Variants in PPP6C observed in about 807,000 individuals in gnomAD.
The protein encoded by PPP6C is serine/threonine-protein phosphatase 6 catalytic subunit.
PPP6C carries 11 observed loss-of-function variants against 39.8 expected under a neutral mutation model. The observed-to-expected ratio is 0.28, with a 90% CI of 0.17 to 0.46. The LOEUF is 0.46. PPP6C is among the 20% of genes least tolerant of loss of function. The pLI is 1.00. For missense variants in PPP6C, 211 were observed against 373.9 expected, an observed-to-expected ratio of 0.56 and a Z score of 3.59; for synonymous variants, 129 against 130.3, an observed-to-expected ratio of 0.99 and a Z score of 0.07.
At chr9:125,181,383 G>T (rs1388856914) in intron 1 of PPP6C, among the ~76,000 whole-genome samples, 1 of 151,718 alleles carries the variant, frequency 6.6e-6, no homozygotes, top group Non-Finnish European at 1.5e-5. Flanking sequence ...TGTGCAGAAC[G>T]TGCAGGTTTG....
At chr9:125,150,610 G>C in intron 6 of PPP6C, 1 of 869,896 alleles carries the variant, frequency 1.1e-6, no homozygotes, top group Non-Finnish European at 1.8e-6. Context: ...CAGCAGCAGT[G>C]ATCACTTAGT....
chr9:125,184,977 A>C (rs908648563), intron 1 of PPP6C, among the ~76,000 whole-genome samples: 3 of 151,776 alleles, frequency 2.0e-5, no homozygotes, highest in South Asian at 2.1e-4. Flanking sequence ...AAAAAAAAAA[A>C]AAAAAAAAAA....
chr9:125,150,827 T>C, intron 6 of PPP6C: 2 of 763,006 alleles, frequency 2.6e-6, no homozygotes, highest in Non-Finnish European at 4.8e-6. Flanking sequence ...AGAGTGGTTG[T>C]GGCAAAATCA....
intron 2 of PPP6C, among the ~76,000 whole-genome samples, chr9:125,169,709 T>A (rs1486273079): frequency 6.6e-6 from 1 of 152,184 alleles, no homozygotes; most frequent in Non-Finnish European, 1.5e-5. Context: ...GTTAGCAAAA[T>A]ACAAATGTTT....
intron 2 of PPP6C, among the ~76,000 whole-genome samples, chr9:125,170,408 T>G (rs1457098156): frequency 6.6e-6 from 1 of 152,020 alleles, no homozygotes; most frequent in Non-Finnish European, 1.5e-5. Context: ...AGCTAATTTT[T>G]TTGTATTTTC....
At position 125,147,479 on chromosome 9, in the gene PPP6C, CCAATA is replaced by C. The variant is rs1007285414; in HGVS notation, c.*2189_*2193del. 33 of 152,050 alleles carry C rather than the reference CCAATA, an allele frequency of 2.2e-4. No individual in the cohort carries two copies. The highest frequency in any genetic ancestry group is 7.7e-4 in the African/African-American group (32 of 41,410). 9.4% of individuals were successfully genotyped at this position (152,050 alleles called of 1,614,324 possible). ...AATATTCCTTGTAGGCTCACAAAGT[CCAATA>C]CATTAGCTCTCTCTTCCCTTTACAC... On this transcript the variant is annotated 3_prime_UTR_variant, in exon 7 of 7. Transcript: ENST00000373547.
At chr9:125,168,689 CCT>C (rs1404758449) in intron 2 of PPP6C, among the ~76,000 whole-genome samples, 1 of 151,640 alleles carries the variant, frequency 6.6e-6, no homozygotes, top group African/African-American at 2.4e-5. Context: ...GATCTCTTGC[CCT>C]CGTGATCCAC....
At chr9:125,184,571 A>G (rs572952299) in intron 1 of PPP6C, among the ~76,000 whole-genome samples, 5 of 152,088 alleles carry the variant, frequency 3.3e-5, no homozygotes, top group East Asian at 3.9e-4. Flanking sequence ...AAAAAAAAAA[A>G]AAGAAGAAGA....
At chr9:125,157,483 A>C (rs1766451998) in intron 4 of PPP6C, among the ~76,000 whole-genome samples, 1 of 152,174 alleles carries the variant, frequency 6.6e-6, no homozygotes, top group Non-Finnish European at 1.5e-5. Flanking sequence ...TAACATTAAT[A>C]AAGTGAAAAA....
chr9:125,147,378 TG>T lies in PPP6C; in HGVS notation c.*2294del, dbSNP rs1835835576. Reference sequence around the variant, plus strand: ...TCCTCCTGCCCATAAATCTATGACTTGCAAGTATCTTCCACCACATGATAAC... The same window carrying T: ...TCCTCCTGCCCATAAATCTATGACTTCAAGTATCTTCCACCACATGATAAC... On this transcript the variant is annotated 3_prime_UTR_variant, in exon 7 of 7. Coordinates refer to ENST00000373547, the MANE Select transcript of PPP6C (RefSeq NM_002721.5). The T allele has an allele frequency of 3.3e-5, 5 of 152,324 alleles. No homozygotes were observed. The South Asian group carries it at 8.3e-4, about 25-fold the overall frequency. 9.4% of individuals were successfully genotyped at this position (152,324 alleles called of 1,614,324 possible).
intron 1 of PPP6C, among the ~76,000 whole-genome samples, 167 bp from the exon 2 acceptor site, chr9:125,171,347 C>T (rs1010616715): frequency 2.6e-5 from 4 of 151,360 alleles, no homozygotes; most frequent in African/African-American, 9.7e-5. Context: ...TCAGCTGTCA[C>T]ACAGAATTCT....
At chr9:125,189,477 G>T (rs1446822522) in intron 1 of PPP6C, 167 bp downstream of exon 1, 2 of 1,444,860 alleles carry the variant, frequency 1.4e-6, no homozygotes, top group East Asian at 2.6e-5. Flanking sequence ...CGACGACTCG[G>T]CTCGCGAGAC....
intron 1 of PPP6C, among the ~76,000 whole-genome samples, chr9:125,179,661 T>C (rs1829382279): frequency 6.7e-6 from 1 of 148,590 alleles, no homozygotes; most frequent in South Asian, 2.2e-4. Flanking sequence ...CTCTCTTTTT[T>C]TTTTTTTTTT....
intron 1 of PPP6C, among the ~76,000 whole-genome samples, chr9:125,187,348 G>A (rs1231618614): frequency 2.4e-4 from 37 of 151,086 alleles, no homozygotes; most frequent in Admixed American, 2.3e-3. Flanking sequence ...GTGTGATCCC[G>A]GCTCACTGCA....
chr9:125,156,426 A>T (rs1364009935), intron 4 of PPP6C, among the ~76,000 whole-genome samples: 1 of 152,062 alleles, frequency 6.6e-6, no homozygotes, highest in East Asian at 1.9e-4. Flanking sequence ...GGCAAGTGCC[A>T]CCATGCCCAG....
At chr9:125,175,442 T>C (rs956067216) in intron 1 of PPP6C, among the ~76,000 whole-genome samples, 2 of 151,438 alleles carry the variant, frequency 1.3e-5, no homozygotes, top group Admixed American at 6.6e-5. Context: ...ATCGAGACCA[T>C]CCTGGCTAAC....
intron 1 of PPP6C, 145 bp downstream of exon 1, chr9:125,189,499 C>T: frequency 2.1e-6 from 3 of 1,457,888 alleles, no homozygotes; most frequent in Non-Finnish European, 2.7e-6. Context: ...CTCGGCGTGA[C>T]GCCGGGTAGG....
In PPP6C at chr9:125,180,907, T is replaced by C. The variant is rs1829408546; in HGVS notation, c.75+8737A>G. Among the ~76,000 whole-genome samples the C allele has an allele frequency of 2.6e-5, 4 of 152,190 alleles. No homozygotes were observed. The South Asian group carries it at 8.3e-4, about 32-fold the overall frequency. The stretch of plus-strand genomic sequence containing the variant: ...AACTCTGTCAATCTGAAAGATTGAG[T>C]GTCTGGAGAACACGTGTAAACTACC... On this transcript the variant is annotated intron_variant, in intron 1 of 6. Transcript: ENST00000373547.
At chr9:125,160,980 TG>T in intron 2 of PPP6C, 74 bp from the exon 3 acceptor site, 1 of 1,073,386 alleles carries the variant, frequency 9.3e-7, no homozygotes, top group Admixed American at 2.5e-5. Context: ...GAGAGTGAAA[TG>T]TGTAAAGAAG....
Sources: gnomAD v4.1 joint callset for allele counts (sites outside exome capture counted in the v4.1 genomes callset) on GRCh38, gnomAD v4.1.1 for gene constraint, MANE v1.5 for transcripts, NCBI Gene and HGNC (gene_info 2026-07-23, HGNC 2026-07-21) for gene names.